CHMP3: variants seen among roughly 807,000 people sequenced by gnomAD.
CHMP3 encodes the protein 25.1 protein.
CHMP3 carries 8 observed loss-of-function variants against 27.4 expected under a neutral mutation model. That is an observed-to-expected ratio of 0.29 (90% CI 0.17 to 0.53). CHMP3 has a LOEUF of 0.53. Ranked by LOEUF, CHMP3 falls within the 20% of genes least tolerant of loss-of-function variation. The probability of loss-of-function intolerance (pLI) is 0.96; values close to 1 mark genes in which losing one functional copy is unlikely to be tolerated. For synonymous variants in CHMP3, 86 were observed against 85.5 expected, an observed-to-expected ratio of 1.01 and a Z score of -0.03; for missense variants, 208 against 271.5, an observed-to-expected ratio of 0.77 and a Z score of 1.64.
chr2:86,543,930 C>T (rs939663209), intron 1 of CHMP3, among the ~76,000 whole-genome samples: 7 of 152,290 alleles, frequency 4.6e-5, no homozygotes, highest in African/African-American at 1.4e-4. Context: ...GTCATACAAC[C>T]ACCACCTCCC....
intron 1 of CHMP3, among the ~76,000 whole-genome samples, chr2:86,544,925 A>ACT (rs1676507763): frequency 8.4e-6 from 1 of 118,770 alleles, no homozygotes; most frequent in Non-Finnish European, 1.8e-5. Context: ...CAGACGGGGC[A>ACT]GCCGGGCAGA....
intron 2 of CHMP3, among the ~76,000 whole-genome samples, chr2:86,542,006 AAAAGGCATTTCTTTAT>A (rs1371582212): frequency 1.3e-5 from 2 of 152,168 alleles, no homozygotes; most frequent in African/African-American, 2.4e-5. Context: ...TGAATTCCAT[AAAAGGCATTTCTTTAT>A]AAGTAGCAAG....
intron 1 of CHMP3, among the ~76,000 whole-genome samples, chr2:86,559,987 C>A (rs936180519): frequency 6.6e-6 from 1 of 152,114 alleles, no homozygotes. Flanking sequence ...GAAAAGAGGG[C>A]CGGGCGCGGT....
chr2:86,526,917 A>C (rs1675734610), intron 3 of CHMP3: 1 of 152,142 alleles, frequency 6.6e-6, no homozygotes, highest in Admixed American at 6.6e-5. Flanking sequence ...AAATGGAGCA[A>C]AAAGACGCAG....
intron 1 of CHMP3, among the ~76,000 whole-genome samples, chr2:86,543,018 T>C (rs1357409159): frequency 4.6e-5 from 7 of 152,252 alleles, no homozygotes; most frequent in Non-Finnish European, 2.9e-5. Context: ...ATGTGCTTTT[T>C]AGTACATGAC....
At chr2:86,543,996 C>G (rs1411350890) in intron 1 of CHMP3, among the ~76,000 whole-genome samples, 1 of 152,220 alleles carries the variant, frequency 6.6e-6, no homozygotes, top group Non-Finnish European at 1.5e-5. Context: ...CTGGCAACCA[C>G]TAATTTGCTT....
At chr2:86,536,096 C>T (rs375297416) in intron 2 of CHMP3, among the ~76,000 whole-genome samples, 217 of 143,014 alleles carry the variant, frequency 1.5e-3, no homozygotes, top group African/African-American at 5.0e-3. Flanking sequence ...CCCGGGTTCA[C>T]GCCATTCTCC....
At chr2:86,555,480 G>A (rs986100034) in intron 1 of CHMP3, among the ~76,000 whole-genome samples, 5 of 148,508 alleles carry the variant, frequency 3.4e-5, no homozygotes, top group East Asian at 2.0e-4. Context: ...CCAGCCTGGC[G>A]ACAGAGCAAG....
intron 1 of CHMP3, chr2:86,562,907 T>C (rs565162045): frequency 5.8e-6 from 1 of 171,678 alleles, no homozygotes; most frequent in East Asian, 1.6e-4. Context: ...AAACAACGCT[T>C]CGGGCAGGAG....
At chr2:86,523,677 T>C (rs1481698966) in intron 3 of CHMP3, among the ~76,000 whole-genome samples, 2 of 152,150 alleles carry the variant, frequency 1.3e-5, no homozygotes, top group Non-Finnish European at 2.9e-5. Flanking sequence ...CCCTCCTCCC[T>C]TCCACTCTCT....
intron 2 of CHMP3, among the ~76,000 whole-genome samples, chr2:86,533,230 C>A (rs1675996006): frequency 6.6e-6 from 1 of 152,144 alleles, no homozygotes; most frequent in Non-Finnish European, 1.5e-5. Flanking sequence ...CCATCGTATT[C>A]TTATAATCTT....
At chr2:86,517,833 A>G (rs966630559) in intron 3 of CHMP3, among the ~76,000 whole-genome samples, 1 of 152,128 alleles carries the variant, frequency 6.6e-6, no homozygotes, top group African/African-American at 2.4e-5. Context: ...GACCGAGACC[A>G]GCCTGGGCAA....
At chr2:86,528,460 C>T (rs1432324838) in intron 3 of CHMP3, among the ~76,000 whole-genome samples, 1 of 152,186 alleles carries the variant, frequency 6.6e-6, no homozygotes, top group Non-Finnish European at 1.5e-5. Flanking sequence ...TGCTCAGCCT[C>T]CTGAGCAGCT....
At chr2:86,519,119 A>C (rs1675428304) in intron 3 of CHMP3, among the ~76,000 whole-genome samples, 1 of 152,162 alleles carries the variant, frequency 6.6e-6, no homozygotes, top group Non-Finnish European at 1.5e-5. Flanking sequence ...CACGCCTGTA[A>C]TCCCAGCACT....
At chr2:86,537,064 C>A (rs1025623261) in intron 2 of CHMP3, among the ~76,000 whole-genome samples, 1 of 152,016 alleles carries the variant, frequency 6.6e-6, no homozygotes, top group Non-Finnish European at 1.5e-5. Flanking sequence ...GAGGTTTTGC[C>A]GTGTTGCCCA....
chr2:86,555,668 A>C (rs951834234), intron 1 of CHMP3, among the ~76,000 whole-genome samples: 1 of 152,204 alleles, frequency 6.6e-6, no homozygotes, highest in Non-Finnish European at 1.5e-5. Context: ...GGCTACCAGC[A>C]TTCCTTAGTT....
chr2:86,509,228 A>G (rs1674999836), intron 4 of CHMP3, among the ~76,000 whole-genome samples: 1 of 152,202 alleles, frequency 6.6e-6, no homozygotes, highest in African/African-American at 2.4e-5. Flanking sequence ...CTGAGTTAAA[A>G]TGAGCAAGCC....
chr2:86,549,176 T>G (rs866518888), intron 1 of CHMP3, among the ~76,000 whole-genome samples: 12 of 100,766 alleles, frequency 1.2e-4, no homozygotes, highest in Non-Finnish European at 1.7e-4. Context: ...GGCGCCCACT[T>G]CCCAGACTGG....
chr2:86,556,514 A>C (rs1170896703), intron 1 of CHMP3, among the ~76,000 whole-genome samples: 2 of 152,208 alleles, frequency 1.3e-5, no homozygotes, highest in South Asian at 2.1e-4. Flanking sequence ...GTTTTTACAA[A>C]AGCTTCAGAA....
Sources: gnomAD v4.1 joint callset for allele counts (sites outside exome capture counted in the v4.1 genomes callset) on GRCh38, gnomAD v4.1.1 for gene constraint, MANE v1.5 for transcripts, NCBI Gene and HGNC (gene_info 2026-07-23, HGNC 2026-07-21) for gene names.